SHROOM2: variants seen among roughly 807,000 people sequenced by gnomAD.
SHROOM2 encodes shroom family member 2, also known as protein Shroom2.
Under a neutral mutation model 75.9 loss-of-function variants are expected in SHROOM2, and 33 were observed. The ratio of observed to expected loss-of-function variants is 0.43; its 90% CI spans 0.33 to 0.58. The LOEUF (loss-of-function observed/expected upper bound fraction) is 0.58, where lower values mean the gene tolerates loss of function less well. Ranked by LOEUF, SHROOM2 falls within the 20% of genes least tolerant of loss-of-function variation. SHROOM2 has a pLI of 0.04. For synonymous variants in SHROOM2, 655 were observed against 663.6 expected (o/e 0.99, Z 0.20); for missense variants, 1,434 against 1,461.2 (o/e 0.98, Z 0.30).
chrX:9,829,536 C>T (rs1275164719), intron 1 of SHROOM2, among the ~76,000 whole-genome samples: 4 of 111,900 alleles, frequency 3.6e-5, no homozygotes, highest in Admixed American at 9.5e-5. Context: ...GCTGTTGATC[C>T]GTACACACTC....
chrX:9,794,618 C>G (rs763346462), intron 1 of SHROOM2, among the ~76,000 whole-genome samples: 2 of 111,795 alleles, frequency 1.8e-5, no homozygotes, highest in African/African-American at 6.5e-5. Flanking sequence ...ATCCGCCCAC[C>G]TCAGCCTCCC....
At chrX:9,817,861 G>T (rs1279213344) in intron 1 of SHROOM2, among the ~76,000 whole-genome samples, 4 of 112,293 alleles carry the variant, frequency 3.6e-5, no homozygotes, top group Non-Finnish European at 5.6e-5. Context: ...CTCATCAGGT[G>T]AAACGATGAT....
At chrX:9,802,234 C>T (rs2083727491) in intron 1 of SHROOM2, among the ~76,000 whole-genome samples, 2 of 110,899 alleles carry the variant, frequency 1.8e-5, no homozygotes, top group South Asian at 3.8e-4. Context: ...ATGCCCAGCT[C>T]GCTGCAGACT....
At chrX:9,927,503 G>A (rs1262811625) in intron 5 of SHROOM2, among the ~76,000 whole-genome samples, 1 of 110,847 alleles carries the variant, frequency 9.0e-6, no homozygotes, top group Non-Finnish European at 1.9e-5. Context: ...AACAGTGGTG[G>A]ATTATTGATT....
chrX:9,902,067 TGGATACATGGATGAGATGTAG>T (rs2084368331), intron 5 of SHROOM2, among the ~76,000 whole-genome samples: 1 of 109,924 alleles, frequency 9.1e-6, no homozygotes, highest in African/African-American at 3.3e-5. Flanking sequence ...GATGCATGGA[TGGATACATGGATGAGATGTAG>T]GGATGCATGG....
chrX:9,865,851 C>T (rs2084134448), intron 1 of SHROOM2, among the ~76,000 whole-genome samples: 1 of 110,029 alleles, frequency 9.1e-6, no homozygotes, highest in Non-Finnish European at 1.9e-5. Context: ...TGAGCCACCG[C>T]GCCTGGCCTC....
intron 9 of SHROOM2, 123 bp from the exon 10 acceptor site, chrX:9,946,548 G>A (rs2084820619): frequency 1.6e-6 from 1 of 609,073 alleles, no homozygotes; most frequent in African/African-American, 2.2e-5. Flanking sequence ...CGGATCTCTG[G>A]TGGCATCAGG....
intron 2 of SHROOM2, among the ~76,000 whole-genome samples, chrX:9,886,726 G>A (rs780650411): frequency 8.5e-4 from 94 of 110,604 alleles, no homozygotes; most frequent in Non-Finnish European, 1.5e-3. Context: ...CTAATGTCAC[G>A]TAGCATACCA....
At chrX:9,812,964 G>A (rs2083799854) in intron 1 of SHROOM2, among the ~76,000 whole-genome samples, 2 of 112,372 alleles carry the variant, frequency 1.8e-5, no homozygotes, top group South Asian at 7.4e-4. Flanking sequence ...ACCACTTGGT[G>A]AAGCTTACGA....
At chrX:9,914,620 ATTTAC>A (rs1365753458) in intron 5 of SHROOM2, among the ~76,000 whole-genome samples, 1 of 110,901 alleles carries the variant, frequency 9.0e-6, no homozygotes, top group African/African-American at 3.3e-5. Context: ...TCCTAGAGTT[ATTTAC>A]TTATTTACCT....
At chrX:9,930,281 C>A (rs1423979833) in intron 5 of SHROOM2, among the ~76,000 whole-genome samples, 1 of 111,097 alleles carries the variant, frequency 9.0e-6, no homozygotes, top group Non-Finnish European at 1.9e-5. Context: ...CTTGGGAGGC[C>A]AAGGCAGGTG....
At chrX:9,805,058 G>A (rs1348741195) in intron 1 of SHROOM2, among the ~76,000 whole-genome samples, 2 of 107,335 alleles carry the variant, frequency 1.9e-5, no homozygotes, top group Non-Finnish European at 3.8e-5. Flanking sequence ...GGCCAACATG[G>A]TGAGACCCTC....
At chrX:9,873,431 C>T (rs1453185872) in intron 1 of SHROOM2, among the ~76,000 whole-genome samples, 2 of 111,896 alleles carry the variant, frequency 1.8e-5, no homozygotes, top group African/African-American at 3.3e-5. Flanking sequence ...TGTGTGTGTT[C>T]TCAAGCTTTC....
At chrX:9,858,360 T>C (rs894204895) in intron 1 of SHROOM2, among the ~76,000 whole-genome samples, 1 of 112,516 alleles carries the variant, frequency 8.9e-6, no homozygotes, top group African/African-American at 3.2e-5. Flanking sequence ...GGGGACACTT[T>C]GTTCTAATGG....
chrX:9,832,094 C>T (rs1335333616), intron 1 of SHROOM2, among the ~76,000 whole-genome samples: 2 of 112,120 alleles, frequency 1.8e-5, no homozygotes, highest in Non-Finnish European at 3.8e-5. Flanking sequence ...TTAAGGTCTT[C>T]GCACCTTCTT....
intron 1 of SHROOM2, among the ~76,000 whole-genome samples, chrX:9,800,332 GTATTATTATTAT>G (rs572234520): frequency 5.5e-5 from 6 of 109,075 alleles, no homozygotes; most frequent in African/African-American, 2.0e-4. Flanking sequence ...TTTATTTTAT[GTATTATTATTAT>G]TATTATTATT....
chrX:9,902,834 G>C (rs1327793974), intron 5 of SHROOM2, among the ~76,000 whole-genome samples: 2 of 111,570 alleles, frequency 1.8e-5, no homozygotes, highest in Admixed American at 1.9e-4. Context: ...TCTTCCTTCT[G>C]TGCCTTCTTG....
At chrX:9,883,410 A>C (rs1426865651) in intron 2 of SHROOM2, among the ~76,000 whole-genome samples, 2 of 112,010 alleles carry the variant, frequency 1.8e-5, no homozygotes, top group African/African-American at 6.5e-5. Flanking sequence ...GTGGAAACGT[A>C]GGATGGGGCC....
chrX:9,816,580 C>CCTGCTGCTGCTGCTG (rs112480338), intron 1 of SHROOM2, among the ~76,000 whole-genome samples: 48,522 of 102,130 alleles, frequency 0.48, 9,292 homozygotes, highest in Middle Eastern at 0.62. Context: ...AGCCTTACCC[C>CCTGCTGCTGCTGCTG]CTGCTGCTGC....
Sources: allele counts gnomAD v4.1 joint callset (sites outside exome capture counted in the v4.1 genomes callset), GRCh38; gene constraint gnomAD v4.1.1; transcripts MANE v1.5; gene names NCBI Gene and HGNC (gene_info 2026-07-23, HGNC 2026-07-21).